Variants in PRR5 observed in about 807,000 individuals in gnomAD.
The protein encoded by PRR5 is proline-rich protein 5.
Under a neutral mutation model 30.6 loss-of-function variants are expected in PRR5, and 25 were observed. The observed-to-expected ratio is 0.82, with a 90% CI of 0.60 to 1.14. The LOEUF is 1.14. Ranked by LOEUF, PRR5 falls within the 50% of genes most tolerant of loss-of-function variation. The probability of loss-of-function intolerance (pLI) is 0.00; values close to 1 mark genes in which losing one functional copy is unlikely to be tolerated. For missense variants in PRR5, 600 were observed against 547.1 expected, an observed-to-expected ratio of 1.10 and a Z score of -0.96; for synonymous variants, 286 against 247.1, an observed-to-expected ratio of 1.16 and a Z score of -1.48.
At chr22:44,704,778 A>G (rs1926922469) in intron 1 of PRR5, among the ~76,000 whole-genome samples, 2 of 151,672 alleles carry the variant, frequency 1.3e-5, no homozygotes, top group Admixed American at 1.3e-4. Context: ...CAGCTCATCC[A>G]TCACCTGCAC....
Position 44,737,276 on chromosome 22 carries a change from T to G in PRR5, c.*29T>G. 1 of 1,573,178 alleles carries G rather than the reference T, an allele frequency of 6.4e-7. No individual in the cohort carries two copies. The highest frequency in any genetic ancestry group is 8.7e-7 in the Non-Finnish European group (1 of 1,155,684). On this transcript the variant is annotated 3_prime_UTR_variant, in exon 8 of 8. Coordinates refer to ENST00000336985, the MANE Select transcript of PRR5 (RefSeq NM_181333.4). ...CTCACAGCTGGCCTTGAGTTTTTAC[T>G]GACACGTCCCTGTGTGCGGGGGTGT... is the stretch of plus-strand genomic sequence containing the variant.
intron 2 of PRR5, among the ~76,000 whole-genome samples, chr22:44,715,125 G>A (rs1318208005): frequency 1.3e-5 from 2 of 152,222 alleles, no homozygotes; most frequent in Non-Finnish European, 2.9e-5. Flanking sequence ...CCTGTGAATA[G>A]CCGGGAAATG....
chr22:44,708,097 C>T (rs893630779), intron 1 of PRR5, among the ~76,000 whole-genome samples: 2 of 151,944 alleles, frequency 1.3e-5, no homozygotes, highest in African/African-American at 4.8e-5. Context: ...TACTTTGGGA[C>T]GTTGAGGCAG....
intron 1 of PRR5, among the ~76,000 whole-genome samples, chr22:44,714,164 G>T (rs182527563): frequency 6.6e-6 from 1 of 152,344 alleles, no homozygotes; most frequent in African/African-American, 2.4e-5. Context: ...CCCACAGCTG[G>T]CTAGGGACGC....
intron 1 of PRR5, among the ~76,000 whole-genome samples, chr22:44,711,570 GGCAGATCACT>G (rs1207578590): frequency 6.6e-6 from 1 of 152,112 alleles, no homozygotes. Context: ...GGCTGCTCAG[GGCAGATCACT>G]GAGGACAGCA....
chr22:44,702,617 GCGCCCTCC>G lies in PRR5; in HGVS notation c.134+12_134+19del, dbSNP rs1926507626. ...AACGCCACCTGGAACAGGTAAGGCC[GCGCCCTCC>G]CGGCCACCCGGAGGCCCTGGAGCCG... is the stretch of plus-strand genomic sequence containing the variant. On this transcript the variant is annotated intron_variant, in intron 1 of 7. Transcript: ENST00000336985. 2 of 1,294,460 alleles carry G rather than the reference GCGCCCTCC, an allele frequency of 1.5e-6. No homozygotes were observed. The highest frequency in any genetic ancestry group is 2.0e-6 in the Non-Finnish European group (2 of 1,017,782). The allele number at this position is 1,294,460 out of a possible 1,614,324, so 80.2% of individuals were successfully genotyped here.
rs1216592094 is a variant in PRR5, at chr22:44,702,491, G to A, written c.17G>A (p.Arg6Lys). 3 of 1,465,694 alleles carry A rather than the reference G, an allele frequency of 2.0e-6. 1 individual carries two copies. The highest frequency in any genetic ancestry group is 2.6e-5 in the South Asian group (2 of 75,738). 90.8% of individuals were successfully genotyped at this position (1,465,694 alleles called of 1,614,324 possible). MRTLR[R>K]LKFMSSPSLS... ...CGGGTCACCATGAGGACTCTCCGCA[G>A]GTTGAAGTTCATGAGTTCGCCCAGC... is the stretch of plus-strand genomic sequence containing the variant. The change falls in exon 1 of 8, where the codon AGG becomes AAG. Residue 6 changes from arginine to lysine, a missense_variant. Coordinates refer to ENST00000336985, the MANE Select transcript of PRR5 (RefSeq NM_181333.4).
chr22:44,702,644 G>A, intron 1 of PRR5, 36 bp downstream of exon 1: 1 of 1,263,890 alleles, frequency 7.9e-7, no homozygotes, highest in Non-Finnish European at 1.0e-6. Context: ...CGGAGGCCCT[G>A]GAGCCGGGGG....
At chr22:44,719,627 C>T (rs925857100) in intron 2 of PRR5, among the ~76,000 whole-genome samples, 1 of 152,214 alleles carries the variant, frequency 6.6e-6, no homozygotes, top group Non-Finnish European at 1.5e-5. Context: ...GTGCAGAATA[C>T]AGCCAGGGTG....
chr22:44,677,923 A>C (rs1316763427), intron 1 of PRR5, among the ~76,000 whole-genome samples: 1 of 152,238 alleles, frequency 6.6e-6, no homozygotes, highest in Non-Finnish European at 1.5e-5. Flanking sequence ...CACCGGCTCC[A>C]GTTTCCAGAG....
intron 2 of PRR5, among the ~76,000 whole-genome samples, chr22:44,715,901 A>G (rs8141322): frequency 0.12 from 17,546 of 152,240 alleles, 1,781 homozygotes; most frequent in African/African-American, 0.27. Context: ...TCCCACCTCC[A>G]GCCTCTCAAA....
At chr22:44,677,394 A>G (rs1923859924) in intron 1 of PRR5, among the ~76,000 whole-genome samples, 1 of 152,058 alleles carries the variant, frequency 6.6e-6, no homozygotes, top group African/African-American at 2.4e-5. Flanking sequence ...GCCCCGGAGG[A>G]GCCCCACTCC....
rs147980639 is a variant in PRR5, at chr22:44,670,464, G to A, written c.-11+1659G>A. ...CCTTGGGTTACTCACCTGAAAACTG[G>A]CGATCATCATATTACCCCCACTCAT... On this transcript the variant is annotated intron_variant, in intron 1 of 8. Transcript: ENST00000432186. Among the ~76,000 whole-genome samples, 302 of 152,266 alleles carry A rather than the reference G, an allele frequency of 2.0e-3. 3 individuals are homozygous for A. The highest frequency in any genetic ancestry group is 0.014 in the East Asian group (74 of 5,176).
intron 1 of PRR5, among the ~76,000 whole-genome samples, chr22:44,705,936 C>T (rs576386794): frequency 3.2e-4 from 48 of 151,932 alleles, no homozygotes; most frequent in African/African-American, 1.1e-3. Context: ...GGATTGTAGG[C>T]GCCCACTACC....
At chr22:44,675,599 TCTCACC>T (rs1923696674), upstream of PRR5, among the ~76,000 whole-genome samples, 1 of 152,104 alleles carries the variant, frequency 6.6e-6, no homozygotes, top group Non-Finnish European at 1.5e-5. Flanking sequence ...CAGGCAGGGC[TCTCACC>T]CTCCCTGCAT....
chr22:44,708,927 G>A (rs898574773), intron 1 of PRR5, among the ~76,000 whole-genome samples: 8 of 131,436 alleles, frequency 6.1e-5, no homozygotes, highest in Non-Finnish European at 3.1e-5. Context: ...AGATCGTGCT[G>A]TTGCACTCCA....
chr22:44,678,102 C>T (rs1262156712), intron 1 of PRR5, among the ~76,000 whole-genome samples: 3 of 152,102 alleles, frequency 2.0e-5, no homozygotes, highest in Non-Finnish European at 2.9e-5. Context: ...TGAGAGGGAG[C>T]GGGCTGCATG....
At chr22:44,673,010 G>T (rs928322596), upstream of PRR5, among the ~76,000 whole-genome samples, 1 of 152,256 alleles carries the variant, frequency 6.6e-6, no homozygotes, top group African/African-American at 2.4e-5. Flanking sequence ...TCTGACCCCA[G>T]CATGAGTCCT....
At chr22:44,687,332 T>G (rs1198698048) in intron 1 of PRR5, among the ~76,000 whole-genome samples, 2 of 138,470 alleles carry the variant, frequency 1.4e-5, no homozygotes, top group African/African-American at 2.8e-5. Context: ...GATAAATTAT[T>G]GTTAATGATG....
Sources: gnomAD v4.1 joint callset for allele counts (sites outside exome capture counted in the v4.1 genomes callset) on GRCh38, gnomAD v4.1.1 for gene constraint, MANE v1.5 for transcripts, NCBI Gene and HGNC (gene_info 2026-07-23, HGNC 2026-07-21) for gene names.